ACADVL: variants seen among roughly 807,000 people sequenced by gnomAD.
The protein encoded by ACADVL is very long-chain acyl-CoA dehydrogenase, mitochondrial.
In ACADVL, 73 loss-of-function variants were observed where a neutral mutation model predicts 80.4. That is an observed-to-expected ratio of 0.91 (90% CI 0.75 to 1.10). The LOEUF (loss-of-function observed/expected upper bound fraction) is 1.10. Among genes scored for constraint, ACADVL ranks in the 50% least tolerant of loss-of-function variants. The pLI, the probability that ACADVL is intolerant of heterozygous loss-of-function variation, is 0.00. For missense variants in ACADVL, 878 were observed against 858.9 expected (o/e 1.02, Z -0.28); for synonymous variants, 392 against 326.5 (o/e 1.20, Z -2.16).
upstream of ACADVL, chr17:7,219,743 C>G: frequency 6.9e-7 from 1 of 1,449,044 alleles, no homozygotes. Context: ...GACTCTAGGT[C>G]GGACGGGCGG....
At position 7,222,001 on chromosome 17, in the gene ACADVL, TG is replaced by T; in HGVS notation, c.673del (p.Ala225GlnfsTer31). 1 of 1,614,122 alleles carries T rather than the reference TG, an allele frequency of 6.2e-7. No individual in the cohort carries two copies. Among genetic ancestry groups the T allele is most frequent in the Non-Finnish European group, 8.5e-7 (1 of 1,180,010 alleles). On this transcript the variant is annotated frameshift_variant, in exon 8 of 20. Transcript: ENST00000356839. LOFTEE classifies it high-confidence loss of function. Reference sequence around the variant, plus strand: ...TAACCGAGCCCTCAAGCGGGTCAGATGCAGCCTCCATCCGAACCTCTGCTGT... The same window carrying T: ...TAACCGAGCCCTCAAGCGGGTCAGATCAGCCTCCATCCGAACCTCTGCTGT... ...CLTEPSSGSD[A>X]ASIRTSAVPS...
At chr17:7,218,815 G>A (rs771898056), upstream of ACADVL, 6 of 1,613,596 alleles carry the variant, frequency 3.7e-6, no homozygotes, top group South Asian at 5.5e-5. Context: ...CCTCCACAAG[G>A]AGCCCTGTTT....
chr17:7,217,675 G>A, upstream of ACADVL: 1 of 1,487,208 alleles, frequency 6.7e-7, no homozygotes, highest in Non-Finnish European at 9.0e-7. Flanking sequence ...GCCAGAATGG[G>A]GGGGGTGCCT....
At position 7,222,776 on chromosome 17, in the gene ACADVL, T is replaced by C. The variant is rs947624074; in HGVS notation, c.988T>C (p.Phe330Leu). ...ENVLGEVGSG[F>L]KVAMHILNNG... The stretch of plus-strand genomic sequence containing the variant: ...CGTGCTGGGTGAGGTTGGGAGTGGC[T>C]TCAAGGTTGCCATGCACATCCTCAA... The change falls in exon 10 of 20, where the codon TTC (phenylalanine) becomes CTC (leucine). Residue 330 changes from phenylalanine to leucine, a missense_variant. Coordinates refer to ENST00000356839, the MANE Select transcript of ACADVL (RefSeq NM_000018.4). 6.2e-7 allele frequency: 1 copy of C among 1,614,054 alleles called. No individual in the cohort carries two copies. Among genetic ancestry groups the C allele is most frequent in the Non-Finnish European group, 8.5e-7 (1 of 1,179,998 alleles).
At chr17:7,218,142 AG>A, upstream of ACADVL, 1 of 1,131,112 alleles carries the variant, frequency 8.8e-7, no homozygotes, top group Non-Finnish European at 1.3e-6. Flanking sequence ...TTTTGTCAGC[AG>A]GGCCCCCAAG....
Position 7,221,525 on chromosome 17 carries a change from G to C in ACADVL, c.478-13G>C, listed in dbSNP as rs772479204. The C allele has an allele frequency of 1.2e-6, 2 of 1,614,068 alleles. No homozygotes were observed. Among genetic ancestry groups the C allele is most frequent in the Non-Finnish European group, 1.7e-6 (2 of 1,180,020 alleles). On this transcript the variant is annotated splice_polypyrimidine_tract_variant and intron_variant, in intron 6 of 19. Coordinates refer to ENST00000356839, the MANE Select transcript of ACADVL (RefSeq NM_000018.4). ...CAGCCAGTGACAACCCCAGATTCCT[G>C]CTTCCCCTCCAGTACGCCCGTTTGG...
In ACADVL at chr17:7,225,176, T is replaced by G; in HGVS notation, c.*79T>G. The G allele has an allele frequency of 6.2e-7, 1 of 1,601,488 alleles. No individual in the cohort carries two copies. The highest frequency in any genetic ancestry group is 8.5e-7 in the Non-Finnish European group (1 of 1,173,472). On this transcript the variant is annotated 3_prime_UTR_variant, in exon 20 of 20. Transcript: ENST00000356839. The stretch of plus-strand genomic sequence containing the variant: ...GAAGCCCCTTTCCTTAAGGCCCTGG[T>G]TTGTCCCGAAGGGGCCTAGTGTTCC...
At chr17:7,219,845 G>T, upstream of ACADVL, 1 of 1,538,290 alleles carries the variant, frequency 6.5e-7, no homozygotes. Flanking sequence ...ACAGCTCCCA[G>T]CATGCCCCGG....
chr17:7,219,870 C>G (rs1449187282), upstream of ACADVL: 4 of 1,539,600 alleles, frequency 2.6e-6, no homozygotes, highest in African/African-American at 5.5e-5. Context: ...CGCAACCGTC[C>G]GCCGCCCGGT....
intron 9 of ACADVL, 88 bp downstream of exon 9, chr17:7,222,390 G>A (rs1044920859): frequency 9.7e-6 from 15 of 1,551,580 alleles, no homozygotes; most frequent in East Asian, 6.8e-5. Flanking sequence ...CCCTGGGGAC[G>A]TGTGCAAAAG....
intron 13 of ACADVL, 23 bp downstream of exon 13, chr17:7,223,898 G>T (rs1208637206): frequency 2.4e-5 from 38 of 1,613,922 alleles, no homozygotes; most frequent in Non-Finnish European, 3.2e-5. Context: ...CTTCTGCAGA[G>T]CCTCGGCTGG....
upstream of ACADVL, chr17:7,218,563 G>A (rs778109251): frequency 1.6e-5 from 25 of 1,563,402 alleles, no homozygotes; most frequent in South Asian, 4.7e-5. Flanking sequence ...GGAAGAGGTC[G>A]CTATGCAGCA....
At chr17:7,222,125 A>G in intron 8 of ACADVL, 44 bp downstream of exon 8, 2 of 1,614,126 alleles carry the variant, frequency 1.2e-6, no homozygotes, top group South Asian at 1.1e-5. Flanking sequence ...GCCCAATTCC[A>G]GGCCCCACTG....
In ACADVL at chr17:7,223,053, C is replaced by T. The variant is rs956162779; in HGVS notation, c.1078-80C>T. On this transcript the variant is annotated intron_variant, in intron 10 of 19. Coordinates refer to ENST00000356839, the MANE Select transcript of ACADVL (RefSeq NM_000018.4). Reference sequence around the variant, plus strand: ...CTGGTTGTATGCAAAACCCATCCCTCTGGCGCAAGCCCAGCCCCTCTCCTA... The same window carrying T: ...CTGGTTGTATGCAAAACCCATCCCTTTGGCGCAAGCCCAGCCCCTCTCCTA... 8 of 1,503,990 alleles carry T rather than the reference C, an allele frequency of 5.3e-6. No individual in the cohort carries two copies. The African/African-American group carries it at 1.1e-4, about 21-fold the overall frequency. 93.2% of individuals were successfully genotyped at this position (1,503,990 alleles called of 1,614,324 possible). A position where few individuals can be genotyped will look rare whatever the true frequency, so the allele number is the denominator to read the frequency against.
chr17:7,218,675 TG>T (rs2071048103), upstream of ACADVL: 2 of 1,548,234 alleles, frequency 1.3e-6, no homozygotes. Context: ...ACAGGGAAGA[TG>T]CCAACACAGG....
upstream of ACADVL, chr17:7,217,590 G>T: frequency 7.2e-7 from 1 of 1,397,592 alleles, no homozygotes; most frequent in Non-Finnish European, 9.3e-7. Flanking sequence ...AGCGGCCGAG[G>T]GAGCCGTGGA....
At chr17:7,218,591 GC>G, upstream of ACADVL, 1 of 1,566,444 alleles carries the variant, frequency 6.4e-7, no homozygotes, top group South Asian at 1.2e-5. Context: ...GAGTGGGGGT[GC>G]CCACCGCAGC....
rs768878569 is a variant in ACADVL, at chr17:7,225,066, G to T, written c.1937G>T (p.Gly646Val). 6 of 1,614,114 alleles carry T rather than the reference G, an allele frequency of 3.7e-6. No individual in the cohort carries two copies. The highest frequency in any genetic ancestry group is 5.1e-6 in the Non-Finnish European group (6 of 1,180,038). ...SISKALVERG[G>V]VVTSNPLGF is the part of the protein sequence containing the mutation. ...TCCAAGGCCTTGGTGGAGCGGGGTG[G>T]TGTGGTCACCAGCAACCCACTTGGC... Residue 646 changes from glycine (G) to valine (V), a missense_variant, in exon 20 of 20, where the codon GGT becomes GTT. Transcript: ENST00000356839.
At chr17:7,222,642 G>A (rs746590557) in intron 9 of ACADVL, 25 bp from the exon 10 acceptor site, 1 of 1,602,046 alleles carries the variant, frequency 6.2e-7, no homozygotes, top group South Asian at 1.1e-5. Flanking sequence ...ACACACCTCT[G>A]CTTTCCCACA....
Sources: gnomAD v4.1 joint callset for allele counts on GRCh38, gnomAD v4.1.1 for gene constraint, MANE v1.5 for transcripts, NCBI Gene and HGNC (gene_info 2026-07-23, HGNC 2026-07-21) for gene names.